Variants in MTX3 observed in about 807,000 individuals in gnomAD.
The protein encoded by MTX3 is metaxin 3, also known as metaxin-3.
Under a neutral mutation model 42.5 loss-of-function variants are expected in MTX3, and 27 were observed. The ratio of observed to expected loss-of-function variants is 0.64; its 90% CI spans 0.47 to 0.88. The LOEUF is 0.88. MTX3 is among the 40% of genes least tolerant of loss of function. MTX3 has a pLI of 0.00. For synonymous variants in MTX3, 144 were observed against 132.9 expected, an observed-to-expected ratio of 1.08 and a Z score of -0.57; for missense variants, 378 against 367.0, an observed-to-expected ratio of 1.03 and a Z score of -0.25.
At chr5:79,984,345 T>G (rs1831441986) in intron 8 of MTX3, among the ~76,000 whole-genome samples, 1 of 152,180 alleles carries the variant, frequency 6.6e-6, no homozygotes, top group Non-Finnish European at 1.5e-5. Context: ...CTATACTTCT[T>G]TACCTCAATG....
chr5:79,984,925 T>C (rs16877389), intron 8 of MTX3, among the ~76,000 whole-genome samples: 91,951 of 152,012 alleles, frequency 0.6, 27,950 homozygotes, highest in South Asian at 0.66. Flanking sequence ...CTTACAATCT[T>C]AAGAAACATT....
At chr5:79,990,838 CT>C (rs1561284950) in intron 1 of MTX3, 175 bp from the exon 2 acceptor site, 2 of 721,474 alleles carry the variant, frequency 2.8e-6, no homozygotes, top group Non-Finnish European at 5.1e-6. Context: ...CTTTCGAGGA[CT>C]TTGCTCCCCA....
Position 79,991,147 on chromosome 5 carries a change from G to C in MTX3, c.81+11C>G, listed in dbSNP as rs1218503359. ...CTTCCTCCTGCGCCCTGGCCCGCGA[G>C]GCGGCCTCACCATCACCACCAGGGA... On this transcript the variant is annotated intron_variant, in intron 1 of 8. Coordinates refer to ENST00000512528, the MANE Select transcript of MTX3 (RefSeq NM_001363818.2). 1 of 1,545,252 alleles carries C rather than the reference G, an allele frequency of 6.5e-7. No individual in the cohort carries two copies. The highest frequency in any genetic ancestry group is 1.4e-5 in the African/African-American group (1 of 73,042).
chr5:79,990,504 C>A, intron 2 of MTX3, 90 bp downstream of exon 2: 4 of 868,698 alleles, frequency 4.6e-6, no homozygotes, highest in Non-Finnish European at 7.0e-6. Context: ...GAAACTAAAT[C>A]CTCAATATTA....
chr5:79,977,802 A>G lies in MTX3; in HGVS notation c.*5882T>C, dbSNP rs1353420966. ...AACTTCCTTTGCTTTGTCACTGAGC[A>G]ACTATAAGCTTTCTATGATGTATGT... On this transcript the variant is annotated 3_prime_UTR_variant, in exon 9 of 9. Transcript: ENST00000512528. The G allele has an allele frequency of 6.6e-6, 1 of 152,250 alleles. No individual in the cohort carries two copies. The highest frequency in any genetic ancestry group is 1.5e-5 in the Non-Finnish European group (1 of 68,034). The allele number at this position is 152,250 out of a possible 1,614,324, so 9.4% of individuals were successfully genotyped here.
Position 79,990,239 on chromosome 5 carries a change from A to G in MTX3, c.152-3T>C. 6.2e-7 allele frequency: 1 copy of G among 1,601,768 alleles called. No individual in the cohort carries two copies. The highest frequency in any genetic ancestry group is 8.5e-7 in the Non-Finnish European group (1 of 1,172,986). On this transcript the variant is annotated splice_polypyrimidine_tract_variant and splice_region_variant and intron_variant, in intron 2 of 8. Transcript: ENST00000512528. ...AGTTGTCAAAATTGGTACATCGCCT[A>G]TAATCAAAAAACAGTTTACATACAA...
At chr5:79,989,800 C>T (rs973637153) in intron 3 of MTX3, among the ~76,000 whole-genome samples, 3 of 152,172 alleles carry the variant, frequency 2.0e-5, no homozygotes, top group Non-Finnish European at 4.4e-5. Context: ...AATATAGTTG[C>T]TAGTTGGTGA....
chr5:79,976,970 G>C lies in MTX3; in HGVS notation c.*6714C>G, dbSNP rs150151679. ...CTAGAGTAGTTGTGCAACTAGAACA[G>C]ATGTTTTTAAAATGTTTGCCATTCA... On this transcript the variant is annotated 3_prime_UTR_variant, in exon 9 of 9. Transcript: ENST00000512528. 217 of 152,442 alleles carry C rather than the reference G, an allele frequency of 1.4e-3. 1 individual carries two copies. Among genetic ancestry groups the C allele is most frequent in the African/African-American group, 5.1e-3 (211 of 41,522 alleles). The allele number at this position is 152,442 out of a possible 1,614,324, so 9.4% of individuals were successfully genotyped here. A position where few individuals can be genotyped will look rare whatever the true frequency, so the allele number is the denominator to read the frequency against.
chr5:79,989,258 AT>A lies in MTX3; in HGVS notation c.229-15del, dbSNP rs751609444. The A allele has an allele frequency of 3.3e-5, 50 of 1,516,398 alleles. No individual in the cohort carries two copies. The highest frequency in any genetic ancestry group is 3.1e-4 in the East Asian group (13 of 42,070). The allele number at this position is 1,516,398 out of a possible 1,614,324, so 93.9% of individuals were successfully genotyped here. ...AGCATTATATTTCTATTAAAAAAAA[AT>A]AAACCAAAGAAACTCAGAAGTCAAA... On this transcript the variant is annotated splice_polypyrimidine_tract_variant and intron_variant, in intron 3 of 8. Transcript: ENST00000512528.
chr5:79,988,745 G>C, intron 4 of MTX3, 101 bp from the exon 5 acceptor site: 1 of 1,066,276 alleles, frequency 9.4e-7, no homozygotes, highest in Non-Finnish European at 1.3e-6. Context: ...TATATGAAGT[G>C]TCTTCATACA....
chr5:79,987,758 T>C (rs939881515), intron 6 of MTX3, among the ~76,000 whole-genome samples: 15 of 152,200 alleles, frequency 9.9e-5, no homozygotes, highest in Non-Finnish European at 5.9e-5. Context: ...AAGTCAATGT[T>C]AGATTATCAC....
At chr5:79,989,800 C>G (rs973637153) in intron 3 of MTX3, among the ~76,000 whole-genome samples, 5 of 152,172 alleles carry the variant, frequency 3.3e-5, no homozygotes, top group Non-Finnish European at 1.5e-5. Flanking sequence ...AATATAGTTG[C>G]TAGTTGGTGA....
intron 2 of MTX3, 111 bp downstream of exon 2, chr5:79,990,483 G>A (rs1285825555): frequency 1.3e-6 from 1 of 762,648 alleles, no homozygotes; most frequent in Non-Finnish European, 2.1e-6. Flanking sequence ...ACAGAGCCAA[G>A]GTCACGGTAA....
chr5:79,987,310 G>T (rs550810439), intron 6 of MTX3, among the ~76,000 whole-genome samples: 3 of 151,664 alleles, frequency 2.0e-5, no homozygotes, highest in Non-Finnish European at 4.4e-5. Context: ...CGTGGTGGTG[G>T]GCACCTGTAA....
rs1055655821 is a variant in MTX3 at position 79,979,703 on chromosome 5, A to G, written c.*3981T>C. The G allele has an allele frequency of 6.6e-5, 10 of 152,154 alleles. No homozygotes were observed. The highest frequency in any genetic ancestry group is 2.2e-4 in the African/African-American group (9 of 41,558). 9.4% of individuals were successfully genotyped at this position (152,154 alleles called of 1,614,324 possible). ...CATAGAAAGAAAAAAATATAATTAGATATTTTAAATCACAGCATTTTTGAC... is the reference window on the plus strand; with the variant it reads ...CATAGAAAGAAAAAAATATAATTAGGTATTTTAAATCACAGCATTTTTGAC... On this transcript the variant is annotated 3_prime_UTR_variant, in exon 9 of 9. Coordinates refer to ENST00000512528, the MANE Select transcript of MTX3 (RefSeq NM_001363818.2).
intron 4 of MTX3, among the ~76,000 whole-genome samples, chr5:79,988,848 C>T (rs148198366): frequency 2.6e-5 from 4 of 152,194 alleles, no homozygotes; most frequent in East Asian, 3.9e-4. Flanking sequence ...CAGAACAAGG[C>T]CTGACACATA....
chr5:79,987,189 C>T, intron 6 of MTX3, 82 bp from the exon 7 acceptor site: 2 of 1,323,736 alleles, frequency 1.5e-6, no homozygotes, highest in Non-Finnish European at 2.1e-6. Context: ...CCTGTAATCC[C>T]AGTACTTTGG....
Position 79,982,377 on chromosome 5 carries a change from T to C in MTX3, c.*1307A>G, listed in dbSNP as rs537702807. On this transcript the variant is annotated 3_prime_UTR_variant, in exon 9 of 9. Transcript: ENST00000512528. ...GCTCAAATTAGATGAGTCTTTTGAC[T>C]ACAAAGCTCATTTTCTTAACATATG... 1 of 456,610 alleles carries C rather than the reference T, an allele frequency of 2.2e-6. No homozygotes were observed. The highest frequency in any genetic ancestry group is 4.4e-6 in the Non-Finnish European group (1 of 226,904). The allele number at this position is 456,610 out of a possible 1,614,324, so 28.3% of individuals were successfully genotyped here.
At position 79,990,238 on chromosome 5, in the gene MTX3, T is replaced by TA; in HGVS notation, c.152-3dup. 6.2e-7 allele frequency: 1 copy of TA among 1,602,108 alleles called. No individual in the cohort carries two copies. The highest frequency in any genetic ancestry group is 8.5e-7 in the Non-Finnish European group (1 of 1,173,472). ...CAGTTGTCAAAATTGGTACATCGCC[T>TA]ATAATCAAAAAACAGTTTACATACA... is the stretch of plus-strand genomic sequence containing the variant. On this transcript the variant is annotated splice_polypyrimidine_tract_variant and splice_region_variant and intron_variant, in intron 2 of 8. Transcript: ENST00000512528.
Sources: gnomAD v4.1 joint callset for allele counts (sites outside exome capture counted in the v4.1 genomes callset) on GRCh38, gnomAD v4.1.1 for gene constraint, MANE v1.5 for transcripts, NCBI Gene and HGNC (gene_info 2026-07-23, HGNC 2026-07-21) for gene names.